The following CNTNAP2 variants were observed in gnomAD, a reference collection of about 807,000 sequenced individuals.
CNTNAP2 encodes the protein contactin associated protein 2, also known as contactin-associated protein-like 2.
A neutral mutation model predicts 155.2 loss-of-function variants in CNTNAP2; 98 were observed. That is an observed-to-expected ratio of 0.63 (90% CI 0.54 to 0.75). The LOEUF is 0.75. CNTNAP2 is among the 30% of genes least tolerant of loss of function. The pLI, the probability that CNTNAP2 is intolerant of heterozygous loss-of-function variation, is 0.00. For synonymous variants in CNTNAP2, 651 were observed against 631.2 expected, an observed-to-expected ratio of 1.03 and a Z score of -0.47; for missense variants, 1,727 against 1,688.1, an observed-to-expected ratio of 1.02 and a Z score of -0.40.
At chr7:146,918,909 G>A (rs969169053) in intron 3 of CNTNAP2, among the ~76,000 whole-genome samples, 1 of 152,186 alleles carries the variant, frequency 6.6e-6, no homozygotes, top group East Asian at 1.9e-4. Flanking sequence ...TTGTCAGATT[G>A]GGTTAATTCA....
At chr7:147,107,286 T>C (rs925006216) in intron 4 of CNTNAP2, among the ~76,000 whole-genome samples, 9 of 152,162 alleles carry the variant, frequency 5.9e-5, no homozygotes, top group Non-Finnish European at 1.5e-5. Context: ...TTATTTCTGG[T>C]GTGAAATAAA....
chr7:148,307,212 G>A (rs986361278), intron 21 of CNTNAP2, among the ~76,000 whole-genome samples: 1 of 152,172 alleles, frequency 6.6e-6, no homozygotes, highest in Non-Finnish European at 1.5e-5. Flanking sequence ...GAGTCTCTGT[G>A]TCCTTCCCAG....
At chr7:147,242,306 T>C (rs1022893202) in intron 8 of CNTNAP2, among the ~76,000 whole-genome samples, 5 of 152,358 alleles carry the variant, frequency 3.3e-5, no homozygotes, top group African/African-American at 1.2e-4. Flanking sequence ...TTTGTTCTAC[T>C]GAAAAACATT....
chr7:148,006,316 CTTTTTTTT>C (rs68011639), intron 15 of CNTNAP2, among the ~76,000 whole-genome samples: 3 of 118,994 alleles, frequency 2.5e-5, no homozygotes, highest in East Asian at 4.4e-4. Flanking sequence ...ATAGGAAGTT[CTTTTTTTT>C]TTTTTTTTTT....
intron 4 of CNTNAP2, among the ~76,000 whole-genome samples, chr7:147,046,519 G>A (rs74927169): frequency 0.017 from 2,604 of 152,110 alleles, 74 homozygotes; most frequent in African/African-American, 0.056. Context: ...GCTGATGAAC[G>A]TTTGAGTTGT....
At chr7:147,604,557 G>A (rs918214948) in intron 12 of CNTNAP2, among the ~76,000 whole-genome samples, 2 of 152,122 alleles carry the variant, frequency 1.3e-5, no homozygotes, top group Non-Finnish European at 2.9e-5. Context: ...CACATCTGGA[G>A]CCTGCTACTT....
intron 9 of CNTNAP2, among the ~76,000 whole-genome samples, chr7:147,339,051 C>G (rs1198341320): frequency 6.6e-6 from 1 of 152,062 alleles, no homozygotes; most frequent in East Asian, 1.9e-4. Flanking sequence ...ATACAAACAG[C>G]TTCATATAAA....
chr7:147,414,708 A>G (rs746895448), intron 10 of CNTNAP2, among the ~76,000 whole-genome samples: 42 of 151,942 alleles, frequency 2.8e-4, no homozygotes, highest in South Asian at 4.1e-4. Context: ...TTGGGAGGCC[A>G]AGGTGGGCGG....
chr7:146,686,600 A>T (rs1405890934), intron 1 of CNTNAP2, among the ~76,000 whole-genome samples: 8 of 152,184 alleles, frequency 5.3e-5, no homozygotes, highest in Non-Finnish European at 1.2e-4. Flanking sequence ...CTAAAAGGAA[A>T]TTAAAAGATA....
intron 13 of CNTNAP2, among the ~76,000 whole-genome samples, chr7:147,814,131 C>A (rs1798224963): frequency 6.6e-6 from 1 of 152,028 alleles, no homozygotes; most frequent in African/African-American, 2.4e-5. Context: ...TTTCAGTCCC[C>A]TCAGATCTTC....
At chr7:147,195,341 A>AATTC (rs1200387342) in intron 8 of CNTNAP2, among the ~76,000 whole-genome samples, 1 of 152,094 alleles carries the variant, frequency 6.6e-6, no homozygotes, top group Non-Finnish European at 1.5e-5. Flanking sequence ...GGATAGTTTG[A>AATTC]AGTTAGGTAG....
intron 16 of CNTNAP2, among the ~76,000 whole-genome samples, chr7:148,131,087 CTTTTTTTTTTTTTT>C (rs755587892): frequency 1.0e-5 from 1 of 97,180 alleles, no homozygotes; most frequent in African/African-American, 4.3e-5. Flanking sequence ...TTTTCTTCTT[CTTTTTTTTTTTTTT>C]TTTTTTTTTT....
chr7:147,557,864 C>T (rs1799980929), intron 11 of CNTNAP2, among the ~76,000 whole-genome samples: 1 of 152,126 alleles, frequency 6.6e-6, no homozygotes, highest in Non-Finnish European at 1.5e-5. Context: ...ATTACTTTTG[C>T]ACCAACTTAA....
At chr7:146,641,505 T>G (rs560647109) in intron 1 of CNTNAP2, among the ~76,000 whole-genome samples, 10 of 152,324 alleles carry the variant, frequency 6.6e-5, no homozygotes, top group Admixed American at 5.2e-4. Context: ...GTTTCAGTTC[T>G]TTTTCCTCTT....
At chr7:147,994,245 G>A (rs963706529) in intron 15 of CNTNAP2, among the ~76,000 whole-genome samples, 1 of 151,892 alleles carries the variant, frequency 6.6e-6, no homozygotes, top group Non-Finnish European at 1.5e-5. Context: ...GGTGGCACAT[G>A]CCCGTGGCCC....
intron 4 of CNTNAP2, among the ~76,000 whole-genome samples, chr7:147,101,519 T>G (rs2129277737): frequency 6.6e-6 from 1 of 152,246 alleles, no homozygotes; most frequent in South Asian, 2.1e-4. Flanking sequence ...GGTGACAGCC[T>G]TTTATACCCT....
chr7:147,770,606 A>T (rs1279336655), intron 13 of CNTNAP2, among the ~76,000 whole-genome samples: 1 of 152,168 alleles, frequency 6.6e-6, no homozygotes, highest in African/African-American at 2.4e-5. Context: ...ATTTTTTTAA[A>T]ATATCTTCAC....
At chr7:146,533,290 A>G (rs1302851908) in intron 1 of CNTNAP2, among the ~76,000 whole-genome samples, 1 of 152,094 alleles carries the variant, frequency 6.6e-6, no homozygotes, top group Non-Finnish European at 1.5e-5. Flanking sequence ...AACATTGTAT[A>G]TGCCCACATA....
chr7:147,850,785 A>T (rs1002949179), intron 13 of CNTNAP2, among the ~76,000 whole-genome samples: 3 of 152,220 alleles, frequency 2.0e-5, no homozygotes, highest in African/African-American at 7.2e-5. Context: ...GATGGATTAA[A>T]GACTTAAATG....
Sources: allele counts gnomAD v4.1 joint callset (sites outside exome capture counted in the v4.1 genomes callset), GRCh38; gene constraint gnomAD v4.1.1; transcripts MANE v1.5; gene names NCBI Gene and HGNC (gene_info 2026-07-23, HGNC 2026-07-21).